Variants in C10orf90 observed in about 807,000 individuals in gnomAD.
The protein encoded by C10orf90 is (E2-independent) E3 ubiquitin-conjugating enzyme FATS.
Under a neutral mutation model 62.5 loss-of-function variants are expected in C10orf90, and 56 were observed. The observed-to-expected ratio is 0.90, with a 90% CI of 0.72 to 1.12. The LOEUF is 1.12. Among genes scored for constraint, C10orf90 ranks in the 50% most tolerant of loss-of-function variants. The pLI is 0.00. For missense variants in C10orf90, 970 were observed against 880.4 expected, an observed-to-expected ratio of 1.10 and a Z score of -1.29; for synonymous variants, 386 against 340.4, an observed-to-expected ratio of 1.13 and a Z score of -1.47.
At chr10:126,612,896 T>G (rs1289843890) in intron 2 of C10orf90, among the ~76,000 whole-genome samples, 1 of 152,148 alleles carries the variant, frequency 6.6e-6, no homozygotes, top group African/African-American at 2.4e-5. Context: ...CTGTTAGAAA[T>G]GTTATGCAAG....
intron 7 of C10orf90, among the ~76,000 whole-genome samples, chr10:126,458,097 C>T (rs1859701471): frequency 6.6e-6 from 1 of 152,088 alleles, no homozygotes; most frequent in African/African-American, 2.4e-5. Context: ...TTAGCCTGCC[C>T]ATAGACTGGG....
intron 4 of C10orf90, among the ~76,000 whole-genome samples, chr10:126,481,797 C>T (rs781343565): frequency 2.6e-5 from 4 of 152,170 alleles, no homozygotes; most frequent in Non-Finnish European, 4.4e-5. Context: ...AGCCATAAAA[C>T]CTCCTCCCCA....
chr10:126,602,094 C>T (rs1845210130), intron 2 of C10orf90, among the ~76,000 whole-genome samples: 1 of 152,182 alleles, frequency 6.6e-6, no homozygotes, highest in African/African-American at 2.4e-5. Context: ...CAGTCTGTCC[C>T]TCCCAATGAG....
At position 126,464,839 on chromosome 10, in the gene C10orf90, T is replaced by A. The variant is rs1202429446; in HGVS notation, c.1682A>T (p.Asp561Val). Residue 561 changes from aspartate to valine, a missense_variant, in exon 5 of 10, where the codon GAC becomes GTC. By Grantham distance (152) the Asp-to-Val change is radical. Coordinates refer to ENST00000488181, the MANE Select transcript of C10orf90 (RefSeq NM_001350921.2). ...TCGTCTCTCTGTGGGCTCAGAAAGG[T>A]CTCTAGACAGACAGTCATCGCTTGG... Reference protein sequence around the residue: ...SSPSDDCLSRDLSEPTERRHQ... With the variant: ...SSPSDDCLSRVLSEPTERRHQ... 1 of 1,614,028 alleles carries A rather than the reference T, an allele frequency of 6.2e-7. No homozygotes were observed. The highest frequency in any genetic ancestry group is 8.5e-7 in the Non-Finnish European group (1 of 1,180,000).
At chr10:126,664,609 A>G (rs1220707855) in intron 1 of C10orf90, among the ~76,000 whole-genome samples, 1 of 152,122 alleles carries the variant, frequency 6.6e-6, no homozygotes, top group Non-Finnish European at 1.5e-5. Flanking sequence ...TCTCTCCCTT[A>G]GTTTGGCTGA....
At chr10:126,559,015 T>A (rs1043573931) in intron 2 of C10orf90, among the ~76,000 whole-genome samples, 1 of 152,238 alleles carries the variant, frequency 6.6e-6, no homozygotes, top group African/African-American at 2.4e-5. Flanking sequence ...CTTTCCCACA[T>A]CACTGAAGTC....
chr10:126,455,325 C>T (rs1859475776), intron 7 of C10orf90, among the ~76,000 whole-genome samples: 1 of 152,222 alleles, frequency 6.6e-6, no homozygotes, highest in Non-Finnish European at 1.5e-5. Flanking sequence ...CCTCACCCAC[C>T]CTGCCCTATT....
At chr10:126,586,402 C>T (rs1844870749) in intron 2 of C10orf90, among the ~76,000 whole-genome samples, 1 of 152,190 alleles carries the variant, frequency 6.6e-6, no homozygotes, top group Admixed American at 6.5e-5. Context: ...GGCCCCAAGC[C>T]ACTGGCACAG....
intron 2 of C10orf90, among the ~76,000 whole-genome samples, chr10:126,590,975 C>G (rs1380677812): frequency 6.6e-6 from 1 of 151,910 alleles, no homozygotes; most frequent in Non-Finnish European, 1.5e-5. Context: ...ACACATACAC[C>G]CTCCCAAGAC....
At chr10:126,439,581 A>G (rs1270859852) in intron 7 of C10orf90, among the ~76,000 whole-genome samples, 2 of 152,214 alleles carry the variant, frequency 1.3e-5, no homozygotes, top group African/African-American at 2.4e-5. Flanking sequence ...GGAAAACAAT[A>G]TATGAATAAA....
chr10:126,652,803 G>A (rs1029973542), intron 1 of C10orf90, among the ~76,000 whole-genome samples: 15 of 152,264 alleles, frequency 9.9e-5, no homozygotes, highest in Middle Eastern at 3.4e-3. Context: ...GATTTCCCCA[G>A]ATTACTTAAG....
At chr10:126,576,678 C>CATATACATATTATCTATATGTAT (rs1564879020) in intron 2 of C10orf90, among the ~76,000 whole-genome samples, 1 of 33,860 alleles carries the variant, frequency 3.0e-5, no homozygotes, top group African/African-American at 2.0e-4. Context: ...TATATGTATA[C>CATATACATATTATCTATATGTAT]ATATACATAT....
At chr10:126,461,167 C>A (rs1859950241) in intron 6 of C10orf90, among the ~76,000 whole-genome samples, 1 of 152,188 alleles carries the variant, frequency 6.6e-6, no homozygotes, top group Non-Finnish European at 1.5e-5. Flanking sequence ...ACTGTCACTA[C>A]TGATAGTATT....
intron 2 of C10orf90, among the ~76,000 whole-genome samples, chr10:126,598,410 A>G (rs1845128437): frequency 6.6e-6 from 1 of 152,038 alleles, no homozygotes; most frequent in South Asian, 2.1e-4. Flanking sequence ...TTTTTTTTTA[A>G]CATCCTATAT....
chr10:126,564,150 G>A (rs553660904), intron 2 of C10orf90, among the ~76,000 whole-genome samples: 1 of 152,222 alleles, frequency 6.6e-6, no homozygotes, highest in African/African-American at 2.4e-5. Context: ...CTAGACCACA[G>A]GCCCTGTAGA....
chr10:126,470,065 G>A (rs1564815125), intron 4 of C10orf90: 1 of 455,418 alleles, frequency 2.2e-6, no homozygotes, highest in South Asian at 1.6e-5. Context: ...GAGGGAAGGT[G>A]TTCTTCTGCA....
At chr10:126,576,620 G>A (rs546428691) in intron 2 of C10orf90, among the ~76,000 whole-genome samples, 4 of 147,950 alleles carry the variant, frequency 2.7e-5, no homozygotes, top group East Asian at 2.0e-4. Flanking sequence ...ATCTGCACCC[G>A]CATGTTTGCT....
chr10:126,550,548 C>T (rs1383422152), intron 2 of C10orf90, among the ~76,000 whole-genome samples: 3 of 152,086 alleles, frequency 2.0e-5, no homozygotes, highest in Middle Eastern at 3.4e-3. Context: ...CTCACTCTGT[C>T]GCCCAGGTTA....
At chr10:126,620,017 A>G (rs935995102) in intron 2 of C10orf90, among the ~76,000 whole-genome samples, 4 of 152,084 alleles carry the variant, frequency 2.6e-5, no homozygotes, top group Non-Finnish European at 5.9e-5. Context: ...TCAATAATCT[A>G]TTATCTAATA....
Sources: allele counts gnomAD v4.1 joint callset (sites outside exome capture counted in the v4.1 genomes callset), GRCh38; gene constraint gnomAD v4.1.1; transcripts MANE v1.5; gene names NCBI Gene and HGNC (gene_info 2026-07-23, HGNC 2026-07-21).